Variants in HHAT observed in about 807,000 individuals in gnomAD.
The protein encoded by HHAT is protein-cysteine N-palmitoyltransferase HHAT.
A neutral mutation model predicts 70.8 loss-of-function variants in HHAT; 47 were observed. The observed-to-expected ratio is 0.66, with a 90% CI of 0.53 to 0.85. HHAT has a LOEUF of 0.85. HHAT is among the 40% of genes least tolerant of loss of function. HHAT has a pLI of 0.00. For missense variants in HHAT, 609 were observed against 604.8 expected, an observed-to-expected ratio of 1.01 and a Z score of -0.07; for synonymous variants, 228 against 247.6, an observed-to-expected ratio of 0.92 and a Z score of 0.74.
intron 9 of HHAT, among the ~76,000 whole-genome samples, chr1:210,561,980 A>G (rs2095627264): frequency 6.6e-6 from 1 of 152,214 alleles, no homozygotes; most frequent in African/African-American, 2.4e-5. Context: ...CTCATAGTAG[A>G]TGTTGAGTTA....
At chr1:210,483,008 T>G (rs2094420714) in intron 8 of HHAT, among the ~76,000 whole-genome samples, 1 of 152,206 alleles carries the variant, frequency 6.6e-6, no homozygotes, top group South Asian at 2.1e-4. Flanking sequence ...AAACATAGCC[T>G]CTTTTGTGCT....
At chr1:210,492,458 G>C (rs1463498549) in intron 8 of HHAT, among the ~76,000 whole-genome samples, 1 of 152,194 alleles carries the variant, frequency 6.6e-6, no homozygotes, top group African/African-American at 2.4e-5. Flanking sequence ...TAGATGGGGG[G>C]AGGCATGGAT....
chr1:210,653,920 T>C (rs371999567), intron 11 of HHAT, among the ~76,000 whole-genome samples: 2 of 270 alleles, frequency 7.4e-3, no homozygotes, highest in African/African-American at 0.015. Flanking sequence ...AGTGTGACAG[T>C]GGAATACTGT....
intron 3 of HHAT, among the ~76,000 whole-genome samples, chr1:210,369,292 C>T (rs904117686): frequency 2.0e-5 from 3 of 152,140 alleles, no homozygotes; most frequent in African/African-American, 7.2e-5. Flanking sequence ...TGGGGCAGAC[C>T]TCTAAATAAG....
At chr1:210,491,063 T>G (rs79733364) in intron 8 of HHAT, among the ~76,000 whole-genome samples, 8 of 146,976 alleles carry the variant, frequency 5.4e-5, no homozygotes, top group Admixed American at 2.0e-4. Flanking sequence ...CACACACACA[T>G]AGTGTGTGTG....
chr1:210,482,747 G>T (rs540753591), intron 8 of HHAT, among the ~76,000 whole-genome samples: 63 of 152,290 alleles, frequency 4.1e-4, no homozygotes, highest in African/African-American at 1.4e-3. Flanking sequence ...GGCATGCACA[G>T]CAGAGCTTCC....
intron 7 of HHAT, among the ~76,000 whole-genome samples, chr1:210,447,547 C>G (rs1227279626): frequency 6.6e-6 from 1 of 152,168 alleles, no homozygotes. Context: ...AGGAAACATC[C>G]AAAAGGCAAA....
chr1:210,661,264 G>C (rs1677644134), intron 11 of HHAT, among the ~76,000 whole-genome samples: 1 of 152,212 alleles, frequency 6.6e-6, no homozygotes, highest in African/African-American at 2.4e-5. Context: ...GATAGGAACA[G>C]ACACTTCTCA....
In HHAT at chr1:210,464,675, A is replaced by G. The variant is rs1350728872; in HGVS notation, c.1007+20A>G. 2 of 1,613,738 alleles carry G rather than the reference A, an allele frequency of 1.2e-6. No homozygotes were observed. The highest frequency in any genetic ancestry group is 1.1e-5 in the South Asian group (1 of 91,040). On this transcript the variant is annotated intron_variant, in intron 8 of 11. Transcript: ENST00000261458. ...GTGGAGGTCAGGCGCTGGGATTGCT[A>G]AAGTTGGTCAGGCATGTCCAGTGGG...
intron 9 of HHAT, among the ~76,000 whole-genome samples, chr1:210,523,333 C>T (rs764172831): frequency 6.6e-6 from 1 of 152,138 alleles, no homozygotes; most frequent in African/African-American, 2.4e-5. Context: ...TGAGCTTCTC[C>T]CATTAGTGCA....
At chr1:210,621,939 G>A (rs1668918642) in intron 10 of HHAT, among the ~76,000 whole-genome samples, 1 of 152,162 alleles carries the variant, frequency 6.6e-6, no homozygotes, top group African/African-American at 2.4e-5. Context: ...CCGTGGGTGG[G>A]GAGATGGGGT....
intron 10 of HHAT, among the ~76,000 whole-genome samples, chr1:210,594,082 A>T (rs1252767840): frequency 6.6e-6 from 1 of 152,104 alleles, no homozygotes; most frequent in Non-Finnish European, 1.5e-5. Flanking sequence ...TGTTTCTTGT[A>T]GCCCACAGAT....
intron 1 of HHAT, among the ~76,000 whole-genome samples, chr1:210,345,037 G>A (rs746697085): frequency 6.6e-6 from 1 of 152,186 alleles, no homozygotes; most frequent in Non-Finnish European, 1.5e-5. Flanking sequence ...AGTCTAGACC[G>A]TCTTCCCCAT....
At chr1:210,415,667 C>CT (rs67817522) in intron 6 of HHAT, among the ~76,000 whole-genome samples, 16,722 of 150,848 alleles carry the variant, frequency 0.11, 1,158 homozygotes, top group East Asian at 0.22. Flanking sequence ...CAATTTTTTC[C>CT]TTTTTTTTTG....
chr1:210,419,878 C>G (rs549246974), intron 7 of HHAT, among the ~76,000 whole-genome samples: 2 of 152,316 alleles, frequency 1.3e-5, no homozygotes, highest in Admixed American at 1.3e-4. Context: ...AACTAAGGGA[C>G]TGTTTCAGCT....
chr1:210,535,448 TGTGTGTGG>T (rs1420395782), intron 9 of HHAT, among the ~76,000 whole-genome samples: 10 of 151,538 alleles, frequency 6.6e-5, no homozygotes, highest in South Asian at 2.1e-4. Flanking sequence ...TGTGTGTGTG[TGTGTGTGG>T]GGTAAAATAA....
intron 11 of HHAT, among the ~76,000 whole-genome samples, chr1:210,625,535 A>C (rs76560205): frequency 0.033 from 5,041 of 152,288 alleles, 161 homozygotes; most frequent in Admixed American, 0.072. Context: ...TGAGTGAGTT[A>C]CTGGAGGTCA....
chr1:210,518,665 C>T (rs757065763), intron 9 of HHAT, among the ~76,000 whole-genome samples: 3 of 152,132 alleles, frequency 2.0e-5, no homozygotes, highest in East Asian at 1.9e-4. Context: ...TGGTAGTGCA[C>T]GCCTATAATC....
At chr1:210,565,197 G>A (rs547242941) in intron 9 of HHAT, among the ~76,000 whole-genome samples, 1 of 152,288 alleles carries the variant, frequency 6.6e-6, no homozygotes, top group Admixed American at 6.5e-5. Context: ...ATGGACATGT[G>A]CCGATGGTGA....
Sources: gnomAD v4.1 joint callset for allele counts (sites outside exome capture counted in the v4.1 genomes callset) on GRCh38, gnomAD v4.1.1 for gene constraint, MANE v1.5 for transcripts, NCBI Gene and HGNC (gene_info 2026-07-23, HGNC 2026-07-21) for gene names.